BCAP29: variants seen among roughly 807,000 people sequenced by gnomAD.
The protein encoded by BCAP29 is B-cell receptor-associated protein 29.
A neutral mutation model predicts 31.8 loss-of-function variants in BCAP29; 34 were observed. The observed-to-expected ratio is 1.07, with a 90% CI of 0.81 to 1.42. The LOEUF is 1.42. Among genes scored for constraint, BCAP29 ranks in the 40% most tolerant of loss-of-function variants. The pLI is 0.00. For missense variants in BCAP29, 314 were observed against 269.2 expected (o/e 1.17, Z -1.16); for synonymous variants, 104 against 91.3 (o/e 1.14, Z -0.79).
intron 6 of BCAP29, among the ~76,000 whole-genome samples, chr7:107,604,723 T>G (rs1397252834): frequency 6.6e-6 from 1 of 151,122 alleles, no homozygotes; most frequent in Non-Finnish European, 1.5e-5. Flanking sequence ...TAATGCACTT[T>G]TGTGATTTAA....
downstream of BCAP29, chr7:107,622,813 TCTCA>T (rs777371500): frequency 4.6e-5 from 7 of 152,336 alleles, no homozygotes; most frequent in East Asian, 1.9e-4. Context: ...AAGAATGATC[TCTCA>T]CTCAGAATGT....
upstream of BCAP29, chr7:107,580,070 G>A (rs1388821419): frequency 5.3e-5 from 8 of 152,350 alleles, no homozygotes; most frequent in African/African-American, 1.7e-4. Flanking sequence ...CCAAGCATCA[G>A]GTCAAAAGTC....
chr7:107,594,143 C>G (rs1809376369), intron 4 of BCAP29, 38 bp downstream of exon 4: 2 of 1,530,046 alleles, frequency 1.3e-6, no homozygotes, highest in Admixed American at 1.8e-5. Flanking sequence ...AATTTAAAAA[C>G]ATGACTTATG....
intron 3 of BCAP29, 30 bp downstream of exon 3, chr7:107,584,012 T>G: frequency 7.9e-7 from 1 of 1,267,522 alleles, no homozygotes; most frequent in Non-Finnish European, 1.1e-6. Context: ...TTTGAATAAA[T>G]ATAACTTTTT....
intron 7 of BCAP29, 43 bp from the exon 8 acceptor site, chr7:107,618,285 T>G (rs756090536): frequency 1.4e-6 from 2 of 1,380,592 alleles, no homozygotes; most frequent in African/African-American, 2.9e-5. Context: ...ATGAATCTGT[T>G]TCTCTTTGCT....
intron 1 of BCAP29, 69 bp from the exon 2 acceptor site, chr7:107,580,690 G>C: frequency 9.4e-7 from 1 of 1,069,168 alleles, no homozygotes; most frequent in Non-Finnish European, 1.4e-6. Context: ...CAAAAACGCT[G>C]CGCCTCGGGG....
At chr7:107,614,468 TAAATA>T (rs1444611825) in intron 7 of BCAP29, among the ~76,000 whole-genome samples, 1 of 152,184 alleles carries the variant, frequency 6.6e-6, no homozygotes, top group African/African-American at 2.4e-5. Flanking sequence ...TTAAGAGAAC[TAAATA>T]AAATGTGTAG....
chr7:107,591,059 A>C (rs1808650107), intron 3 of BCAP29, among the ~76,000 whole-genome samples: 1 of 152,168 alleles, frequency 6.6e-6, no homozygotes, highest in Non-Finnish European at 1.5e-5. Flanking sequence ...TTAGAAATAA[A>C]CTTTATAAAA....
chr7:107,596,134 TA>T (rs1809777249), intron 5 of BCAP29, 132 bp downstream of exon 5: 3 of 735,202 alleles, frequency 4.1e-6, no homozygotes, highest in Non-Finnish European at 6.1e-6. Context: ...ATATTTTATG[TA>T]ATGATTATTT....
intron 6 of BCAP29, among the ~76,000 whole-genome samples, chr7:107,608,713 T>C (rs1200921840): frequency 6.6e-6 from 1 of 152,240 alleles, no homozygotes; most frequent in African/African-American, 2.4e-5. Flanking sequence ...GTCTCTTTGC[T>C]TTGTTTTGGC....
intron 6 of BCAP29, among the ~76,000 whole-genome samples, chr7:107,607,614 T>C (rs1369817863): frequency 1.3e-5 from 2 of 151,622 alleles, no homozygotes; most frequent in Non-Finnish European, 2.9e-5. Context: ...CTTTCCTGAA[T>C]TCCATGTTTT....
At position 107,600,470 on chromosome 7, in the gene BCAP29, A is replaced by G; in HGVS notation, c.554A>G (p.Glu185Gly). 1 of 1,609,364 alleles carries G rather than the reference A, an allele frequency of 6.2e-7. No homozygotes were observed. The part of the protein sequence containing the change: ...AENKKLVEDQ[E>G]KLKTELRKTS... The stretch of plus-strand genomic sequence containing the variant: ...AATAAAAAACTAGTAGAAGACCAGG[A>G]GAAACTGAAAACTGAATTAAGGAAG... The change falls in exon 6 of 8, where the codon GAG (glutamate) becomes GGG (glycine). Residue 185 changes from glutamate to glycine, a missense_variant. Coordinates refer to ENST00000005259, the MANE Select transcript of BCAP29 (RefSeq NM_018844.4).
At chr7:107,600,739 A>G (rs1563135225) in intron 6 of BCAP29, among the ~76,000 whole-genome samples, 2 of 152,374 alleles carry the variant, frequency 1.3e-5, no homozygotes, top group South Asian at 4.1e-4. Flanking sequence ...TTGTAAATAC[A>G]GATGTTCTTG....
At chr7:107,600,269 A>T in intron 5 of BCAP29, 128 bp from the exon 6 acceptor site, 1 of 695,228 alleles carries the variant, frequency 1.4e-6, no homozygotes, top group Non-Finnish European at 2.6e-6. Context: ...AAACTATAAA[A>T]TTCTGAAAAG....
intron 2 of BCAP29, among the ~76,000 whole-genome samples, chr7:107,581,507 GT>G: frequency 6.6e-6 from 1 of 152,260 alleles, no homozygotes; most frequent in Admixed American, 6.5e-5. Flanking sequence ...CCAAGCAGTG[GT>G]TCATTTTACC....
In BCAP29 at chr7:107,618,718, G is replaced by A; in HGVS notation, c.*355G>A. ...CATGAAACCATTAATAGCCTTGAAAGCTTTGATAAGTTTTCAGTAATAATA... is the reference window on the plus strand; with the variant it reads ...CATGAAACCATTAATAGCCTTGAAAACTTTGATAAGTTTTCAGTAATAATA... On this transcript the variant is annotated 3_prime_UTR_variant, in exon 8 of 8. Transcript: ENST00000005259. The A allele has an allele frequency of 1.3e-6, 1 of 793,552 alleles. No individual in the cohort carries two copies. The highest frequency in any genetic ancestry group is 1.9e-6 in the Non-Finnish European group (1 of 515,896). 49.2% of individuals were successfully genotyped at this position (793,552 alleles called of 1,614,324 possible). A position where few individuals can be genotyped will look rare whatever the true frequency, so the allele number is the denominator to read the frequency against.
chr7:107,621,785 G>C (rs1193078903), downstream of BCAP29: 2 of 479,266 alleles, frequency 4.2e-6, no homozygotes, highest in African/African-American at 2.0e-5. Flanking sequence ...CTTCCAGCAG[G>C]AGCATGGCCC....
intron 7 of BCAP29, among the ~76,000 whole-genome samples, chr7:107,617,236 T>C (rs1248935489): frequency 1.3e-5 from 2 of 152,184 alleles, no homozygotes; most frequent in African/African-American, 2.4e-5. Flanking sequence ...TTTTACACAG[T>C]TGACATATTT....
rs1563133809 is a variant in BCAP29 at position 107,599,162 on chromosome 7, A to AGT, written c.481-1235_481-1234insGT. Among the ~76,000 whole-genome samples the AGT allele has an allele frequency of 1.1e-3, 102 of 96,574 alleles. 2 individuals carry two copies. The highest frequency in any genetic ancestry group is 4.3e-3 in the African/African-American group (98 of 22,576). The allele number at this position is 96,574 out of a possible 152,430, so 63.4% of individuals were successfully genotyped here. ...ATATGTATATAAATATATATTTATA[A>AGT]ATATATAAATATATTAAAATTTATA... On this transcript the variant is annotated intron_variant, in intron 5 of 7. Transcript: ENST00000005259.
Sources: gnomAD v4.1 joint callset for allele counts (sites outside exome capture counted in the v4.1 genomes callset) on GRCh38, gnomAD v4.1.1 for gene constraint, MANE v1.5 for transcripts, NCBI Gene and HGNC (gene_info 2026-07-23, HGNC 2026-07-21) for gene names.